Variants in ABCC9 observed in about 807,000 individuals in gnomAD.
The protein encoded by ABCC9 is ATP-binding cassette sub-family C member 9.
ABCC9 carries 95 observed loss-of-function variants against 188.3 expected under a neutral mutation model. That is an observed-to-expected ratio of 0.50 (90% CI 0.43 to 0.60). The LOEUF (loss-of-function observed/expected upper bound fraction) is 0.60, where lower values mean the gene tolerates loss of function less well. Ranked by LOEUF, ABCC9 falls within the 20% of genes least tolerant of loss-of-function variation. The pLI, the probability that ABCC9 is intolerant of heterozygous loss-of-function variation, is 0.00. For missense variants in ABCC9, 1,102 were observed against 1,876.3 expected, an observed-to-expected ratio of 0.59 and a Z score of 7.62; for synonymous variants, 659 against 652.7, an observed-to-expected ratio of 1.01 and a Z score of -0.15.
chr12:21,906,224 A>C lies in ABCC9; in HGVS notation c.1520T>G (p.Leu507Trp). 1 of 1,613,034 alleles carries C rather than the reference A, an allele frequency of 6.2e-7. No individual in the cohort carries two copies. Among genetic ancestry groups the C allele is most frequent in the Non-Finnish European group, 8.5e-7 (1 of 1,179,364 alleles). ...EILKGIKLLKLYAWEHIFCKS... is the reference protein window; with the variant it reads ...EILKGIKLLKWYAWEHIFCKS... The stretch of plus-strand genomic sequence containing the variant: ...GCAGAAAATGTGTTCCCAGGCATAC[A>C]ATTTTAGAAGTTTGATGCCTTTCAA... The change falls in exon 12 of 40, where the codon TTG becomes TGG. Residue 507 changes from leucine to tryptophan, a missense_variant. This residue lies in a region of ABCC9 where 8 missense variants were observed against 47.5 expected (regional missense o/e 0.17). Coordinates refer to ENST00000261200, the MANE Select transcript of ABCC9 (RefSeq NM_020297.4).
At chr12:21,824,927 CTTTTTTGTTGATCTT>C (rs1441758747) in intron 31 of ABCC9, among the ~76,000 whole-genome samples, 1 of 113,882 alleles carries the variant, frequency 8.8e-6, no homozygotes, top group Admixed American at 9.0e-5. Context: ...TTTTGTTGAT[CTTTTTTGTTGATCTT>C]TTTTGTTGAT....
intron 35 of ABCC9, 129 bp downstream of exon 35, chr12:21,814,515 C>A: frequency 1.3e-6 from 1 of 781,208 alleles, no homozygotes; most frequent in Non-Finnish European, 2.2e-6. Flanking sequence ...GGATATCTGC[C>A]TTGAACCATG....
chr12:21,925,907 C>T, intron 5 of ABCC9, 35 bp downstream of exon 5: 1 of 1,595,296 alleles, frequency 6.3e-7, no homozygotes, highest in Non-Finnish European at 8.6e-7. Context: ...ACAAATATCT[C>T]TTTAAGGAGA....
chr12:21,845,368 A>G (rs1164908682), intron 26 of ABCC9, among the ~76,000 whole-genome samples: 2 of 152,134 alleles, frequency 1.3e-5, no homozygotes, highest in African/African-American at 4.8e-5. Context: ...ATACAAGTCT[A>G]AACATTATAT....
chr12:21,803,246 T>A (rs1941589768), intron 39 of ABCC9, among the ~76,000 whole-genome samples: 1 of 152,070 alleles, frequency 6.6e-6, no homozygotes, highest in South Asian at 2.1e-4. Flanking sequence ...AAATATTAGC[T>A]GTTCAATAGC....
intron 7 of ABCC9, among the ~76,000 whole-genome samples, chr12:21,915,261 G>GTGTGTA (rs1555115999): frequency 2.8e-5 from 3 of 105,332 alleles, no homozygotes; most frequent in Non-Finnish European, 5.7e-5. Context: ...GTGTGTGTGT[G>GTGTGTA]TATATAATGT....
chr12:21,933,419 A>C (rs541873327), intron 4 of ABCC9, among the ~76,000 whole-genome samples: 113 of 152,224 alleles, frequency 7.4e-4, no homozygotes, highest in Non-Finnish European at 1.4e-3. Context: ...CTTGATTTTA[A>C]AAGTTTTGTG....
At chr12:21,826,642 A>G (rs941757866) in intron 31 of ABCC9, among the ~76,000 whole-genome samples, 1 of 152,148 alleles carries the variant, frequency 6.6e-6, no homozygotes. Context: ...TGGTCTCACA[A>G]TGGATCTCTG....
chr12:21,911,743 C>A (rs956986605), intron 8 of ABCC9, among the ~76,000 whole-genome samples: 3 of 152,044 alleles, frequency 2.0e-5, no homozygotes, highest in Admixed American at 6.6e-5. Flanking sequence ...TACAAATGTG[C>A]AAGTCCTATT....
chr12:21,936,486 G>T, intron 3 of ABCC9, 47 bp downstream of exon 3: 2 of 1,515,522 alleles, frequency 1.3e-6, no homozygotes, highest in East Asian at 2.3e-5. Flanking sequence ...CCATTAGCGA[G>T]ATATATAAAC....
chr12:21,813,487 T>C (rs1942397034), intron 35 of ABCC9, among the ~76,000 whole-genome samples: 2 of 152,190 alleles, frequency 1.3e-5, no homozygotes, highest in African/African-American at 2.4e-5. Context: ...TAATAGCCTA[T>C]GGCTATTAAA....
At chr12:21,824,821 T>G (rs1343642197) in intron 31 of ABCC9, among the ~76,000 whole-genome samples, 1 of 152,250 alleles carries the variant, frequency 6.6e-6, no homozygotes, top group Non-Finnish European at 1.5e-5. Flanking sequence ...TGTATTGATG[T>G]GGGATTAGTG....
chr12:21,799,283 GATTACTT>G lies in ABCC9; in HGVS notation c.*1754_*1760del, dbSNP rs1941324256. ...TTAAAAAAAAAAAAGAAAAAAAAAA[GATTACTT>G]CCATGGGTAAAAACCCATTTCTCTA... On this transcript the variant is annotated 3_prime_UTR_variant, in exon 40 of 40. Coordinates refer to ENST00000261200, the MANE Select transcript of ABCC9 (RefSeq NM_020297.4). The G allele has an allele frequency of 7.1e-6, 1 of 141,156 alleles. No individual in the cohort carries two copies. Among genetic ancestry groups the G allele is most frequent in the Non-Finnish European group, 1.6e-5 (1 of 64,208 alleles). The allele number at this position is 141,156 out of a possible 1,614,324, so 8.7% of individuals were successfully genotyped here.
In ABCC9 at chr12:21,807,343, C is replaced by T. The variant is rs1565682017; in HGVS notation, c.4449+3G>A. 2 of 1,613,724 alleles carry T rather than the reference C, an allele frequency of 1.2e-6. No homozygotes were observed. ...ATTTTAAAAGCTTAGATAATGCACT[C>T]ACTGTGGCCATGTCAATGGAAGCTG... On this transcript the variant is annotated splice_donor_region_variant and intron_variant, in intron 38 of 39. Coordinates refer to ENST00000261200, the MANE Select transcript of ABCC9 (RefSeq NM_020297.4).
intron 3 of ABCC9, 67 bp from the exon 4 acceptor site, chr12:21,933,990 T>A: frequency 6.3e-7 from 1 of 1,582,368 alleles, no homozygotes; most frequent in Non-Finnish European, 8.7e-7. Context: ...ATAAACATAA[T>A]TTAAATTATG....
At chr12:21,825,020 C>A (rs959038958) in intron 31 of ABCC9, among the ~76,000 whole-genome samples, 6 of 151,930 alleles carry the variant, frequency 3.9e-5, no homozygotes, top group African/African-American at 1.5e-4. Flanking sequence ...TTTTTCATGT[C>A]TCTATCTCAA....
intron 30 of ABCC9, among the ~76,000 whole-genome samples, chr12:21,829,412 A>G (rs184004062): frequency 1.6e-3 from 242 of 152,066 alleles, no homozygotes; most frequent in African/African-American, 3.3e-3. Context: ...CGTGTTAGCC[A>G]GGATGGTCTC....
intron 15 of ABCC9, among the ~76,000 whole-genome samples, chr12:21,884,464 A>G (rs547991155): frequency 6.6e-6 from 1 of 152,340 alleles, no homozygotes; most frequent in South Asian, 2.1e-4. Context: ...AAAGGAAACG[A>G]TTCTAGAATT....
intron 12 of ABCC9, among the ~76,000 whole-genome samples, chr12:21,898,254 G>A (rs1462179923): frequency 6.6e-6 from 1 of 152,150 alleles, no homozygotes; most frequent in Non-Finnish European, 1.5e-5. Context: ...GGCAATAATT[G>A]GCTAAGTATA....
Sources: gnomAD v4.1 joint callset for allele counts (sites outside exome capture counted in the v4.1 genomes callset) on GRCh38, gnomAD v4.1.1 for gene constraint, gnomAD v4.1.1 regional missense constraint, MANE v1.5 for transcripts, NCBI Gene and HGNC (gene_info 2026-07-23, HGNC 2026-07-21) for gene names.